EMILIN2: variants seen among roughly 807,000 people sequenced by gnomAD.
EMILIN2 encodes EMILIN-2.
Under a neutral mutation model 87.1 loss-of-function variants are expected in EMILIN2, and 71 were observed. The observed-to-expected ratio is 0.82, with a 90% CI of 0.67 to 0.99. The LOEUF (loss-of-function observed/expected upper bound fraction) is 0.99. Among genes scored for constraint, EMILIN2 ranks in the 50% least tolerant of loss-of-function variants. The pLI is 0.00. For missense variants in EMILIN2, 1,407 were observed against 1,371.8 expected (o/e 1.03, Z -0.40); for synonymous variants, 581 against 563.4 (o/e 1.03, Z -0.44).
Position 2,909,776 on chromosome 18 carries a change from C to A in EMILIN2, c.2781C>A (p.Asn927Lys). Reference sequence around the variant, plus strand: ...GTGATGGGGGCGTTGTCCTCTTTAACAAAGTGCTGGTGAACGACGGGGATG... The same window carrying A: ...GTGATGGGGGCGTTGTCCTCTTTAAAAAAGTGCTGGTGAACGACGGGGATG... ...FPSDGGVVLF[N>K]KVLVNDGDVY... The change falls in exon 7 of 8, where the codon AAC (asparagine) becomes AAA (lysine). Residue 927 changes from asparagine (N) to lysine (K), a missense_variant. Physicochemically the swap from Asn to Lys is moderately conservative, Grantham distance 94. Transcript: ENST00000254528. 6.2e-7 allele frequency: 1 copy of A among 1,613,310 alleles called. No homozygotes were observed. Among genetic ancestry groups the A allele is most frequent in the South Asian group, 1.1e-5 (1 of 90,984 alleles).
chr18:2,899,389 G>C (rs1384566668), intron 4 of EMILIN2, among the ~76,000 whole-genome samples: 1 of 152,206 alleles, frequency 6.6e-6, no homozygotes, highest in African/African-American at 2.4e-5. Context: ...TCCAGTTTTT[G>C]AGGTCTCTCC....
chr18:2,913,360 A>C lies in EMILIN2; in HGVS notation c.3118A>C (p.Thr1040Pro), dbSNP rs761827586. The C allele has an allele frequency of 1.2e-6, 2 of 1,611,012 alleles. No homozygotes were observed. The highest frequency in any genetic ancestry group is 4.5e-5 in the East Asian group (2 of 44,836). ...CACAGACTTTGATGAAATGTACTCC[A>C]CATTTAGTGGGGTTTTCTTATATCC... ...AHTDFDEMYS[T>P]FSGVFLYPFL... Residue 1040 changes from threonine to proline, a missense_variant, in exon 8 of 8, where the codon ACA becomes CCA. Coordinates refer to ENST00000254528, the MANE Select transcript of EMILIN2 (RefSeq NM_032048.3).
intron 2 of EMILIN2, among the ~76,000 whole-genome samples, chr18:2,863,009 A>G (rs2076668740): frequency 1.3e-5 from 2 of 152,214 alleles, no homozygotes; most frequent in South Asian, 4.1e-4. Context: ...TTATTTGCGT[A>G]GAGATGTTTA....
At chr18:2,885,704 G>A (rs1299745722) in intron 3 of EMILIN2, among the ~76,000 whole-genome samples, 1 of 151,988 alleles carries the variant, frequency 6.6e-6, no homozygotes, top group African/African-American at 2.4e-5. Context: ...TTTTGGTAGA[G>A]ATGGGGTTTC....
Position 2,906,920 on chromosome 18 carries a change from G to T in EMILIN2, c.2497G>T (p.Glu833Ter). ...RPVLPQRPPEERPPQPPGSTG... is the reference protein window; with the variant it reads ...RPVLPQRPPE ...CGTCCTGCCCCAGCGGCCCCCCGAGGAGAGGCCGCCCCAGCCGCCAGGCTC... is the reference window on the plus strand; with the variant it reads ...CGTCCTGCCCCAGCGGCCCCCCGAGTAGAGGCCGCCCCAGCCGCCAGGCTC... The change falls in exon 5 of 8, where the codon GAG (glutamate) becomes TAG (stop). Residue 833 changes from glutamate (E) to a stop codon, truncating the protein, a stop_gained. Coordinates refer to ENST00000254528, the MANE Select transcript of EMILIN2 (RefSeq NM_032048.3). LOFTEE classifies it high-confidence loss of function. The T allele has an allele frequency of 7.2e-7, 1 of 1,396,976 alleles. No individual in the cohort carries two copies. The highest frequency in any genetic ancestry group is 9.3e-7 in the Non-Finnish European group (1 of 1,072,996). The allele number at this position is 1,396,976 out of a possible 1,614,324, so 86.5% of individuals were successfully genotyped here. A position where few individuals can be genotyped will look rare whatever the true frequency, so the allele number is the denominator to read the frequency against.
chr18:2,846,725 G>C, upstream of EMILIN2: 2 of 984,446 alleles, frequency 2.0e-6, no homozygotes, highest in Non-Finnish European at 2.4e-6. The surrounding 1 kb of genome is among the most constrained non-coding windows in gnomAD (Gnocchi z 5.3). Flanking sequence ...CCGGGGGGCC[G>C]GGAGCGAGCC....
chr18:2,869,869 CTT>C (rs746325746), intron 2 of EMILIN2, among the ~76,000 whole-genome samples: 1 of 151,496 alleles, frequency 6.6e-6, no homozygotes, highest in Admixed American at 6.6e-5. Context: ...GGCAAAATAA[CTT>C]TTACTGATAG....
At chr18:2,889,992 G>A (rs1408479227) in intron 3 of EMILIN2, among the ~76,000 whole-genome samples, 2 of 152,200 alleles carry the variant, frequency 1.3e-5, no homozygotes, top group Non-Finnish European at 2.9e-5. Context: ...TGAGCACAGA[G>A]ATGTTAATGA....
At chr18:2,864,934 C>G (rs2076679029) in intron 2 of EMILIN2, among the ~76,000 whole-genome samples, 1 of 152,158 alleles carries the variant, frequency 6.6e-6, no homozygotes, top group South Asian at 2.1e-4. Flanking sequence ...TCTTTTTTCT[C>G]TAAACTTCTC....
At chr18:2,885,254 A>T (rs2076797981) in intron 3 of EMILIN2, 115 bp downstream of exon 3, 2 of 1,158,512 alleles carry the variant, frequency 1.7e-6, no homozygotes, top group Non-Finnish European at 2.3e-6. Flanking sequence ...CGAATAACAC[A>T]CATAGATACC....
intron 3 of EMILIN2, among the ~76,000 whole-genome samples, chr18:2,888,498 A>G (rs1037863107): frequency 5.9e-5 from 9 of 151,934 alleles, no homozygotes; most frequent in South Asian, 4.1e-4. Context: ...GGTGGATCAC[A>G]AGGTCAGGAG....
chr18:2,909,636 C>T (rs2076931474), intron 6 of EMILIN2, 55 bp from the exon 7 acceptor site: 1 of 1,591,898 alleles, frequency 6.3e-7, no homozygotes, highest in Admixed American at 1.8e-5. Context: ...CCAGGCCCTC[C>T]CCCTGGAGGA....
intron 2 of EMILIN2, among the ~76,000 whole-genome samples, chr18:2,861,841 G>C (rs2076662653): frequency 6.6e-6 from 1 of 152,164 alleles, no homozygotes; most frequent in South Asian, 2.1e-4. Context: ...CCATTTTCAT[G>C]ATATTGATTC....
intron 2 of EMILIN2, among the ~76,000 whole-genome samples, chr18:2,868,392 A>G (rs1478296647): frequency 1.4e-4 from 22 of 152,072 alleles, no homozygotes; most frequent in Admixed American, 5.2e-4. Context: ...CTTCCCCGAC[A>G]GGGTGGCGGC....
chr18:2,909,376 A>G (rs931579230), intron 6 of EMILIN2, among the ~76,000 whole-genome samples: 5 of 152,132 alleles, frequency 3.3e-5, no homozygotes, highest in Admixed American at 2.6e-4. Context: ...GCCTCCTAAT[A>G]TGTGTGCTCA....
chr18:2,908,984 G>C lies in EMILIN2; in HGVS notation c.2695+9G>C, dbSNP rs2076928027. On this transcript the variant is annotated intron_variant, in intron 6 of 7. Coordinates refer to ENST00000254528, the MANE Select transcript of EMILIN2 (RefSeq NM_032048.3). ...TCCTGTAGCTTCCCCAGGTATGTCTGCTGAGAGACCAGGAGCAGGAGGAGC... is the reference window on the plus strand; with the variant it reads ...TCCTGTAGCTTCCCCAGGTATGTCTCCTGAGAGACCAGGAGCAGGAGGAGC... 1 of 1,613,104 alleles carries C rather than the reference G, an allele frequency of 6.2e-7. No homozygotes were observed. Among genetic ancestry groups the C allele is most frequent in the African/African-American group, 1.3e-5 (1 of 74,866 alleles).
At chr18:2,875,671 C>CTA (rs1555667135) in intron 2 of EMILIN2, among the ~76,000 whole-genome samples, 1 of 151,844 alleles carries the variant, frequency 6.6e-6, no homozygotes, top group Non-Finnish European at 1.5e-5. Flanking sequence ...CATGCATGAG[C>CTA]TATATTTCAA....
Position 2,913,638 on chromosome 18 carries a change from C to CATTTTTTAA in EMILIN2, c.*234_*235insATTTTTTAA. The stretch of plus-strand genomic sequence containing the variant: ...CTTTTCTGCCACTCTAACTGGACAA[C>CATTTTTTAA]TGGAAGACTTGGAAAGGCCTCCACC... On this transcript the variant is annotated 3_prime_UTR_variant, in exon 8 of 8. Transcript: ENST00000254528. 1 of 502,026 alleles carries CATTTTTTAA rather than the reference C, an allele frequency of 2.0e-6. No individual in the cohort carries two copies. Among genetic ancestry groups the CATTTTTTAA allele is most frequent in the Non-Finnish European group, 3.5e-6 (1 of 284,614 alleles). The allele number at this position is 502,026 out of a possible 1,614,324, so 31.1% of individuals were successfully genotyped here. A position where few individuals can be genotyped will look rare whatever the true frequency, so the allele number is the denominator to read the frequency against.
rs959164798 is a variant in EMILIN2 at position 2,912,174 on chromosome 18, G to A, written c.2825-893G>A. On this transcript the variant is annotated intron_variant, in intron 7 of 7. Transcript: ENST00000254528. ...GTGCCTCAGCCTCCTGAGTAGTTGC[G>A]ACTACAGGTGCACGCCACCACGCCC... is the stretch of plus-strand genomic sequence containing the variant. 3.3e-5 allele frequency among the ~76,000 whole-genome samples: 5 copies of A among 151,568 alleles called. No homozygotes were observed. In the South Asian group the frequency reaches 6.3e-4, roughly 19 times the overall value.
Sources: gnomAD v4.1 joint callset for allele counts (sites outside exome capture counted in the v4.1 genomes callset) on GRCh38, gnomAD v4.1.1 for gene constraint, Gnocchi (gnomAD v3.1) non-coding constraint, MANE v1.5 for transcripts, NCBI Gene and HGNC (gene_info 2026-07-23, HGNC 2026-07-21) for gene names.